Variants in GCNT2 observed in about 807,000 individuals in gnomAD.
The protein encoded by GCNT2 is glucosaminyl (N-acetyl) transferase 2 (I blood group).
A neutral mutation model predicts 34.2 loss-of-function variants in GCNT2; 34 were observed. The observed-to-expected ratio is 1.00, with a 90% CI of 0.76 to 1.32. The LOEUF (loss-of-function observed/expected upper bound fraction) is 1.32. Ranked by LOEUF, GCNT2 falls within the 40% of genes most tolerant of loss-of-function variation. GCNT2 has a pLI of 0.00. For synonymous variants in GCNT2, 212 were observed against 188.0 expected (o/e 1.13, Z -1.04); for missense variants, 584 against 489.4 (o/e 1.19, Z -1.82).
At chr6:10,570,326 C>T (rs1196888432) in intron 3 of GCNT2, among the ~76,000 whole-genome samples, 1 of 152,178 alleles carries the variant, frequency 6.6e-6, no homozygotes, top group Admixed American at 6.5e-5. Context: ...CTTTTGACAC[C>T]ACATTTCTGG....
intron 3 of GCNT2, among the ~76,000 whole-genome samples, chr6:10,535,545 C>T (rs1177842185): frequency 1.3e-5 from 2 of 152,136 alleles, no homozygotes; most frequent in Admixed American, 6.5e-5. Context: ...ATTATTGATC[C>T]TCTGGGTTGG....
intron 3 of GCNT2, among the ~76,000 whole-genome samples, chr6:10,602,532 T>C (rs1425470855): frequency 1.3e-5 from 2 of 152,210 alleles, no homozygotes; most frequent in East Asian, 3.8e-4. Flanking sequence ...TTGCAATAGA[T>C]AGGGACTTAG....
chr6:10,569,226 CTCCCCCCG>C (rs1763418323), intron 3 of GCNT2, among the ~76,000 whole-genome samples: 2 of 148,160 alleles, frequency 1.3e-5, no homozygotes, highest in Admixed American at 6.8e-5. Context: ...CTGCCACCCA[CTCCCCCCG>C]CCACACACAC....
chr6:10,560,299 AG>A (rs35693046), intron 3 of GCNT2, among the ~76,000 whole-genome samples: 38,341 of 151,942 alleles, frequency 0.25, 5,046 homozygotes, highest in African/African-American at 0.31. Flanking sequence ...CATGTTGCCC[AG>A]GGGTAGTCTC....
At chr6:10,550,934 A>T (rs1048344269) in intron 3 of GCNT2, among the ~76,000 whole-genome samples, 1 of 152,194 alleles carries the variant, frequency 6.6e-6, no homozygotes, top group Non-Finnish European at 1.5e-5. Context: ...CAAGCTACAG[A>T]CACACCCAAT....
chr6:10,528,502 G>A (rs745925255), intron 2 of GCNT2, 129 bp from the exon 3 acceptor site: 19 of 263,564 alleles, frequency 7.2e-5, no homozygotes, highest in Non-Finnish European at 1.2e-4. Flanking sequence ...GCCGGGACAA[G>A]AGGCTGAGGT....
At chr6:10,601,801 CG>C (rs1199835933) in intron 3 of GCNT2, among the ~76,000 whole-genome samples, 3 of 151,848 alleles carry the variant, frequency 2.0e-5, no homozygotes, top group Non-Finnish European at 4.4e-5. Flanking sequence ...ATTAGCCGGG[CG>C]TGGTGGCGGG....
intron 3 of GCNT2, among the ~76,000 whole-genome samples, chr6:10,587,900 C>A (rs1764428099): frequency 6.6e-6 from 1 of 152,046 alleles, no homozygotes; most frequent in African/African-American, 2.4e-5. Context: ...TTCCTGTCTA[C>A]ACACACACAC....
chr6:10,575,456 G>C (rs183665821), intron 3 of GCNT2, among the ~76,000 whole-genome samples: 2 of 151,488 alleles, frequency 1.3e-5, no homozygotes, highest in African/African-American at 4.8e-5. Context: ...CCGACTCTTG[G>C]GTTCAAGAGA....
Position 10,527,141 on chromosome 6 carries a change from G to C in GCNT2, c.-468-333G>C, listed in dbSNP as rs576447092. On this transcript the variant is annotated intron_variant, in intron 1 of 4. Transcript: ENST00000495262. ...AACTTGAGCATTCAATCAATAAATAGTTGATTGTGCGGTGGCTCGCGCCTG... is the reference window on the plus strand; with the variant it reads ...AACTTGAGCATTCAATCAATAAATACTTGATTGTGCGGTGGCTCGCGCCTG... Among the ~76,000 whole-genome samples the C allele has an allele frequency of 2.0e-5, 3 of 152,284 alleles. No homozygotes were observed. In the South Asian group the frequency reaches 6.2e-4, roughly 32 times the overall value.
intron 3 of GCNT2, chr6:10,557,104 T>G: frequency 6.4e-7 from 1 of 1,569,338 alleles, no homozygotes; most frequent in Non-Finnish European, 8.6e-7. Flanking sequence ...TTGGACGGAC[T>G]AAATATGTCC....
chr6:10,626,284 T>C, intron 4 of GCNT2, 133 bp from the exon 5 acceptor site: 1 of 733,084 alleles, frequency 1.4e-6, no homozygotes. Context: ...GACTGCACAA[T>C]CATATTTCAT....
intron 3 of GCNT2, chr6:10,556,400 T>A (rs1273434550): frequency 1.1e-5 from 18 of 1,613,430 alleles, no homozygotes; most frequent in Non-Finnish European, 1.5e-5. Context: ...GACGGTCTCT[T>A]GACATTTCAC....
At chr6:10,588,842 GTGTGTGTGGTGT>G (rs1312617721) in intron 3 of GCNT2, among the ~76,000 whole-genome samples, 1 of 147,344 alleles carries the variant, frequency 6.8e-6, no homozygotes, top group Non-Finnish European at 1.5e-5. Flanking sequence ...TGTGTGTGGT[GTGTGTGTGGTGT>G]GTATGTGTAT....
rs948868958 is a variant in GCNT2 at position 10,585,863 on chromosome 6, A to G, written c.926-35488A>G. On this transcript the variant is annotated intron_variant, in intron 3 of 4. Transcript: ENST00000495262. The stretch of plus-strand genomic sequence containing the variant: ...TACAGGAGGATTAAAGGATTCAGGA[A>G]AGCAAGCAGCCCTCCGGAGAAGCTG... 9 of 1,527,646 alleles carry G rather than the reference A, an allele frequency of 5.9e-6. No individual in the cohort carries two copies. In the African/African-American group the frequency reaches 1.2e-4, roughly 21 times the overall value. The allele number at this position is 1,527,646 out of a possible 1,614,324, so 94.6% of individuals were successfully genotyped here. A position where few individuals can be genotyped will look rare whatever the true frequency, so the allele number is the denominator to read the frequency against.
intron 3 of GCNT2, chr6:10,557,345 A>G (rs1166759525): frequency 6.2e-7 from 1 of 1,607,296 alleles, no homozygotes; most frequent in Admixed American, 1.7e-5. Context: ...GATTCCAGGT[A>G]CGTACAATTC....
chr6:10,620,407 AT>A lies in GCNT2; in HGVS notation c.926-932del, dbSNP rs570105927. Among the ~76,000 whole-genome samples the A allele has an allele frequency of 1.5e-3, 218 of 146,334 alleles. 1 individual carries two copies. The highest frequency in any genetic ancestry group is 0.01 in the Middle Eastern group (3 of 286). On this transcript the variant is annotated intron_variant, in intron 3 of 4. Transcript: ENST00000495262. Reference sequence around the variant, plus strand: ...CCCATGTTTTCCTTTTCTTTTTTTAATTTTTTTTTTTTATTTTGAGACAGGG... The same window carrying A: ...CCCATGTTTTCCTTTTCTTTTTTTAATTTTTTTTTTTATTTTGAGACAGGG...
At chr6:10,596,188 C>T (rs1045181527) in intron 3 of GCNT2, among the ~76,000 whole-genome samples, 1 of 152,140 alleles carries the variant, frequency 6.6e-6, no homozygotes, top group African/African-American at 2.4e-5. Flanking sequence ...CAAGCACAAG[C>T]TCTTTAGGCA....
chr6:10,615,540 C>T (rs1765722092), intron 3 of GCNT2, among the ~76,000 whole-genome samples: 1 of 152,104 alleles, frequency 6.6e-6, no homozygotes, highest in Non-Finnish European at 1.5e-5. Flanking sequence ...TCTGAAACTC[C>T]TGGATTCAAG....
Sources: gnomAD v4.1 joint callset for allele counts (sites outside exome capture counted in the v4.1 genomes callset) on GRCh38, gnomAD v4.1.1 for gene constraint, MANE v1.5 for transcripts, NCBI Gene and HGNC (gene_info 2026-07-23, HGNC 2026-07-21) for gene names.